Variants in INSC observed in about 807,000 individuals in gnomAD.
INSC encodes the protein INSC spindle orientation adaptor protein, also known as protein inscuteable homolog.
In INSC, 67 loss-of-function variants were observed where a neutral mutation model predicts 58.6. The ratio of observed to expected loss-of-function variants is 1.14; its 90% CI spans 0.94 to 1.40. The LOEUF (loss-of-function observed/expected upper bound fraction) is 1.40, where lower values mean the gene tolerates loss of function less well. INSC is among the 40% of genes most tolerant of loss of function. The probability of loss-of-function intolerance (pLI) is 0.00; values close to 1 mark genes in which losing one functional copy is unlikely to be tolerated. For missense variants in INSC, 714 were observed against 692.0 expected (o/e 1.03, Z -0.36); for synonymous variants, 262 against 276.1 (o/e 0.95, Z 0.51).
chr11:15,121,930 A>C (rs1275959145), intron 1 of INSC, among the ~76,000 whole-genome samples: 5 of 152,100 alleles, frequency 3.3e-5, no homozygotes, highest in Non-Finnish European at 7.3e-5. Flanking sequence ...GCTCTTCCTT[A>C]CTATTTACTA....
chr11:15,114,862 C>A, upstream of INSC: 1 of 759,126 alleles, frequency 1.3e-6, no homozygotes, highest in Non-Finnish European at 1.5e-6. Flanking sequence ...CGGGGGAGAA[C>A]GGGGCGGGGG....
chr11:15,234,581 G>T (rs1852050135), intron 9 of INSC, among the ~76,000 whole-genome samples: 1 of 152,154 alleles, frequency 6.6e-6, no homozygotes, highest in Non-Finnish European at 1.5e-5. Context: ...ATACCATCCT[G>T]CAAGCTTTGA....
At chr11:15,203,031 T>C (rs1390232415) in intron 7 of INSC, among the ~76,000 whole-genome samples, 1 of 152,242 alleles carries the variant, frequency 6.6e-6, no homozygotes, top group African/African-American at 2.4e-5. Flanking sequence ...ATATGTCCTT[T>C]CATTAATGCA....
In INSC at chr11:15,168,051, C is replaced by T. The variant is rs115782077; in HGVS notation, c.57-7690C>T. 2.5e-3 allele frequency among the ~76,000 whole-genome samples: 385 copies of T among 152,294 alleles called. 4 individuals carry two copies. Among genetic ancestry groups the T allele is most frequent in the African/African-American group, 8.6e-3 (356 of 41,538 alleles). The stretch of plus-strand genomic sequence containing the variant: ...CAAGTTGTTGCTTGGGCAAATGGTC[C>T]TCCCCATCTGCCTATGTTAAGGCTG... On this transcript the variant is annotated intron_variant, in intron 2 of 12. Coordinates refer to ENST00000379556, the MANE Select transcript of INSC (RefSeq NM_001042536.3).
chr11:15,228,446 G>A (rs772592390), intron 9 of INSC, among the ~76,000 whole-genome samples: 110 of 152,234 alleles, frequency 7.2e-4, no homozygotes, highest in Non-Finnish European at 1.1e-3. Context: ...AGCCAGGCAC[G>A]TCACCCACTG....
intron 11 of INSC, 145 bp from the exon 12 acceptor site, chr11:15,240,302 G>A: frequency 1.5e-6 from 1 of 671,994 alleles, no homozygotes; most frequent in Non-Finnish European, 2.6e-6. Context: ...CACTGAGGGA[G>A]TAGTAAGTTT....
intron 5 of INSC, among the ~76,000 whole-genome samples, chr11:15,179,769 C>G (rs1230656071): frequency 1.3e-5 from 2 of 152,194 alleles, no homozygotes; most frequent in African/African-American, 4.8e-5. Context: ...GATCAACCAT[C>G]AAGTCCAGAG....
At chr11:15,228,848 G>T (rs77605594) in intron 9 of INSC, among the ~76,000 whole-genome samples, 7,407 of 152,236 alleles carry the variant, frequency 0.049, 262 homozygotes, top group African/African-American at 0.096. Context: ...CACCCTTGGG[G>T]TATGGACGTT....
intron 1 of INSC, among the ~76,000 whole-genome samples, chr11:15,118,819 C>T (rs1262525126): frequency 1.3e-5 from 2 of 152,248 alleles, no homozygotes; most frequent in East Asian, 3.8e-4. Context: ...GGAAAGGTAA[C>T]TCACAGTAAC....
intron 1 of INSC, among the ~76,000 whole-genome samples, chr11:15,142,755 G>A (rs924449179): frequency 6.6e-6 from 1 of 152,112 alleles, no homozygotes; most frequent in African/African-American, 2.4e-5. Flanking sequence ...GGAGGGACAT[G>A]CAGCTTTGTC....
intron 7 of INSC, among the ~76,000 whole-genome samples, chr11:15,219,323 C>T (rs1471320164): frequency 3.3e-5 from 5 of 152,278 alleles, no homozygotes; most frequent in South Asian, 4.1e-4. Flanking sequence ...AAGAAGGCCA[C>T]GTCTCCCAAC....
chr11:15,171,736 A>G (rs1012577355), intron 2 of INSC, among the ~76,000 whole-genome samples: 10 of 152,220 alleles, frequency 6.6e-5, no homozygotes, highest in African/African-American at 2.2e-4. Context: ...CAAGCAATAG[A>G]AATTAACTCT....
the INSC span, among the ~76,000 whole-genome samples, chr11:15,255,267 A>G: frequency 6.6e-6 from 1 of 152,222 alleles, no homozygotes; most frequent in African/African-American, 2.4e-5. Flanking sequence ...TTACATTTTA[A>G]TTAGTTAATT....
intron 2 of INSC, among the ~76,000 whole-genome samples, chr11:15,170,474 C>T (rs1164956671): frequency 6.6e-6 from 1 of 152,066 alleles, no homozygotes; most frequent in Non-Finnish European, 1.5e-5. Flanking sequence ...TGACGCTTCC[C>T]TCATCATGAG....
chr11:15,229,944 AATATT>A (rs534732367), intron 9 of INSC, among the ~76,000 whole-genome samples: 1,768 of 18,260 alleles, frequency 0.097, 122 homozygotes, highest in Admixed American at 0.15. Context: ...ATATATATAT[AATATT>A]ATATATATAT....
At chr11:15,174,489 G>A (rs1849508193) in intron 2 of INSC, among the ~76,000 whole-genome samples, 1 of 152,178 alleles carries the variant, frequency 6.6e-6, no homozygotes, top group Admixed American at 6.5e-5. Context: ...TTTGTTTGCT[G>A]CTACAGTCTA....
intron 1 of INSC, among the ~76,000 whole-genome samples, chr11:15,124,253 G>C (rs77846680): frequency 1.7e-4 from 26 of 152,278 alleles, no homozygotes; most frequent in African/African-American, 6.3e-4. Context: ...TCAGGGGTTG[G>C]GGAGATGTCA....
At chr11:15,260,185 T>G in the INSC span, among the ~76,000 whole-genome samples, 1 of 152,060 alleles carries the variant, frequency 6.6e-6, no homozygotes, top group Non-Finnish European at 1.5e-5. Flanking sequence ...TTTTTTTTGT[T>G]TTTTTTAAAG....
the INSC span, among the ~76,000 whole-genome samples, chr11:15,254,932 C>T: frequency 6.6e-6 from 1 of 152,172 alleles, no homozygotes; most frequent in Non-Finnish European, 1.5e-5. Flanking sequence ...GTACTATTAC[C>T]ATAGTTGCCA....
Sources: gnomAD v4.1 joint callset for allele counts (sites outside exome capture counted in the v4.1 genomes callset) on GRCh38, gnomAD v4.1.1 for gene constraint, MANE v1.5 for transcripts, NCBI Gene and HGNC (gene_info 2026-07-23, HGNC 2026-07-21) for gene names.